OR14I1: variants seen among roughly 807,000 people sequenced by gnomAD.
OR14I1 encodes olfactory receptor family 14 subfamily I member 1.
For synonymous variants in OR14I1, 118 were observed against 71.1 expected, an observed-to-expected ratio of 1.66 and a Z score of -3.32; for missense variants, 279 against 181.8, an observed-to-expected ratio of 1.53 and a Z score of -3.07.
downstream of OR14I1, among the ~76,000 whole-genome samples, chr1:248,680,692 T>G (rs887950969): frequency 6.6e-6 from 1 of 152,116 alleles, no homozygotes; most frequent in Admixed American, 6.6e-5. Flanking sequence ...GTGTAGAAAC[T>G]GAGGCACTAA....
chr1:248,691,163 C>T, the OR14I1 span, among the ~76,000 whole-genome samples: 2 of 152,184 alleles, frequency 1.3e-5, no homozygotes, highest in Non-Finnish European at 2.9e-5. Flanking sequence ...ATCAAAACAG[C>T]AGTTGGGTAA....
At chr1:248,682,309 C>T (rs772985287) in exon 1 of OR14I1, 1 of 726,962 alleles carries the variant, frequency 1.4e-6, no homozygotes, top group South Asian at 1.6e-5. Flanking sequence ...GTCCATTTGG[C>T]AGGGAAATCT....
exon 1 of OR14I1, chr1:248,682,204 A>G (rs760798828): frequency 1.3e-6 from 1 of 781,074 alleles, no homozygotes; most frequent in South Asian, 1.3e-5. Context: ...CAGCACTGCC[A>G]GATAAATCAG....
chr1:248,702,529 C>A, the OR14I1 span, among the ~76,000 whole-genome samples: 1 of 151,678 alleles, frequency 6.6e-6, no homozygotes, highest in Admixed American at 6.5e-5. Context: ...TTTTTTTTGC[C>A]TTTCCCACTG....
upstream of OR14I1, among the ~76,000 whole-genome samples, chr1:248,685,358 TA>T (rs1410440025): frequency 6.6e-6 from 1 of 152,110 alleles, no homozygotes; most frequent in African/African-American, 2.4e-5. Context: ...AAACAAGTAA[TA>T]AAATGGTTGT....
At chr1:248,686,265 C>T (rs920670512), upstream of OR14I1, among the ~76,000 whole-genome samples, 3 of 152,156 alleles carry the variant, frequency 2.0e-5, no homozygotes, top group African/African-American at 7.2e-5. Flanking sequence ...GGGGAACCTA[C>T]AAATACATTT....
chr1:248,678,942 G>T (rs1209428059), downstream of OR14I1, among the ~76,000 whole-genome samples: 1 of 152,164 alleles, frequency 6.6e-6, no homozygotes, highest in African/African-American at 2.4e-5. Context: ...AATTATACTA[G>T]AAGAATCCCT....
the OR14I1 span, chr1:248,692,695 C>T: frequency 7.5e-6 from 1 of 133,752 alleles, no homozygotes; most frequent in African/African-American, 2.7e-5. Flanking sequence ...GGACACAGTC[C>T]TGAGTGTTGC....
upstream of OR14I1, among the ~76,000 whole-genome samples, chr1:248,685,600 T>G (rs576621587): frequency 1.3e-5 from 2 of 152,112 alleles, no homozygotes; most frequent in East Asian, 3.9e-4. Context: ...GCTCTTTCCT[T>G]GATTCTAACA....
the OR14I1 span, among the ~76,000 whole-genome samples, chr1:248,694,343 T>G: frequency 6.6e-6 from 1 of 152,220 alleles, no homozygotes; most frequent in African/African-American, 2.4e-5. Flanking sequence ...TTTTTAATTG[T>G]GTAACTGTAA....
the OR14I1 span, among the ~76,000 whole-genome samples, chr1:248,702,503 A>G: frequency 3.5e-4 from 54 of 152,260 alleles, no homozygotes; most frequent in African/African-American, 1.3e-3. Flanking sequence ...CTTTCAGAGT[A>G]TCTTTAGAAT....
chr1:248,690,600 C>CAAAA, the OR14I1 span, among the ~76,000 whole-genome samples: 644 of 51,416 alleles, frequency 0.013, 33 homozygotes, highest in African/African-American at 0.015. Flanking sequence ...GTCTACCAAC[C>CAAAA]AAAAAAAAAA....
chr1:248,681,282 A>G, downstream of OR14I1: 3 of 581,780 alleles, frequency 5.2e-6, no homozygotes, highest in Non-Finnish European at 9.1e-6. Flanking sequence ...CATTTCATCA[A>G]CAATTTTTTC....
exon 1 of OR14I1, chr1:248,681,913 C>A (rs748062443): frequency 1.3e-6 from 1 of 781,004 alleles, no homozygotes; most frequent in South Asian, 1.3e-5. Context: ...CATCACGGCT[C>A]TGTATTGGAG....
the OR14I1 span, among the ~76,000 whole-genome samples, chr1:248,702,076 C>T: frequency 6.6e-6 from 1 of 152,088 alleles, no homozygotes; most frequent in Non-Finnish European, 1.5e-5. Flanking sequence ...CATGAGAATT[C>T]ACCCACTATC....
the OR14I1 span, among the ~76,000 whole-genome samples, chr1:248,701,971 G>A: frequency 1.3e-5 from 2 of 152,152 alleles, no homozygotes; most frequent in Admixed American, 1.3e-4. Context: ...CAATCACGGT[G>A]GAAGGTGAAG....
chr1:248,701,940 T>TG, the OR14I1 span, among the ~76,000 whole-genome samples: 9 of 152,048 alleles, frequency 5.9e-5, no homozygotes, highest in Admixed American at 1.3e-4. Flanking sequence ...GAAGCATGGC[T>TG]GGGGGGCCTC....
At chr1:248,689,323 G>C in the OR14I1 span, among the ~76,000 whole-genome samples, 1 of 152,232 alleles carries the variant, frequency 6.6e-6, no homozygotes, top group South Asian at 2.1e-4. Context: ...GTCCCACATG[G>C]AAGAGTTCTA....
At chr1:248,681,317 A>T, downstream of OR14I1, 1 of 625,424 alleles carries the variant, frequency 1.6e-6, no homozygotes, top group Non-Finnish European at 2.9e-6. Context: ...TAAAGTATTT[A>T]TGCTTTTTTG....
Sources: allele counts gnomAD v4.1 joint callset (sites outside exome capture counted in the v4.1 genomes callset), GRCh38; gene constraint gnomAD v4.1.1; transcripts MANE v1.5; gene names NCBI Gene and HGNC (gene_info 2026-07-23, HGNC 2026-07-21).